The following MARCHF1 variants were observed in gnomAD, a reference collection of about 807,000 sequenced individuals.
MARCHF1 encodes the protein membrane associated ring-CH-type finger 1, also known as E3 ubiquitin-protein ligase MARCHF1.
A neutral mutation model predicts 54.2 loss-of-function variants in MARCHF1; 40 were observed. The observed-to-expected ratio is 0.74, with a 90% CI of 0.57 to 0.96. The LOEUF (loss-of-function observed/expected upper bound fraction) is 0.96. Ranked by LOEUF, MARCHF1 falls within the 40% of genes least tolerant of loss-of-function variation. MARCHF1 has a pLI of 0.00. For synonymous variants in MARCHF1, 236 were observed against 236.3 expected (o/e 1.00, Z 0.01); for missense variants, 586 against 656.5 (o/e 0.89, Z 1.17).
intron 2 of MARCHF1, among the ~76,000 whole-genome samples, chr4:164,008,550 T>C (rs1343586320): frequency 6.6e-6 from 1 of 152,072 alleles, no homozygotes. Context: ...CATCACTACA[T>C]GGATCAACCT....
rs1282938021 is a variant in MARCHF1 at position 163,737,160 on chromosome 4, CTTTCTTTT to C, written c.112-36305_112-36298del. ...ACTTATCAGCGCTCGCAGCTTTTTT[CTTTCTTTT>C]TTTTTTTTTTTTTTCACATATTAGT... On this transcript the variant is annotated intron_variant, in intron 4 of 9. Transcript: ENST00000514618. Among the ~76,000 whole-genome samples the C allele has an allele frequency of 5.4e-4, 22 of 40,998 alleles. 2 individuals carry two copies. Among genetic ancestry groups the C allele is most frequent in the African/African-American group, 2.6e-3 (21 of 8,138 alleles). The allele number at this position is 40,998 out of a possible 152,430, so 26.9% of individuals were successfully genotyped here.
chr4:163,714,148 AT>A (rs1745191120), intron 4 of MARCHF1, among the ~76,000 whole-genome samples: 1 of 152,162 alleles, frequency 6.6e-6, no homozygotes, highest in South Asian at 2.1e-4. Context: ...GTTCAGTAGG[AT>A]TTCTGGCACA....
chr4:164,061,729 G>C (rs1440304371), intron 2 of MARCHF1, among the ~76,000 whole-genome samples: 1 of 151,654 alleles, frequency 6.6e-6, no homozygotes, highest in Non-Finnish European at 1.5e-5. Flanking sequence ...AAAAAAAAGA[G>C]TGCAATAGAA....
At chr4:163,663,532 T>C (rs1294988340) in intron 5 of MARCHF1, among the ~76,000 whole-genome samples, 1 of 152,130 alleles carries the variant, frequency 6.6e-6, no homozygotes, top group Non-Finnish European at 1.5e-5. Flanking sequence ...GATCATCTCG[T>C]CTGCAACATT....
At chr4:163,806,994 A>C (rs1177461832) in intron 4 of MARCHF1, among the ~76,000 whole-genome samples, 1 of 152,226 alleles carries the variant, frequency 6.6e-6, no homozygotes, top group Non-Finnish European at 1.5e-5. Flanking sequence ...GCTTAAAATT[A>C]GAAGATGCCA....
chr4:163,575,587 C>T (rs561911731), intron 8 of MARCHF1, among the ~76,000 whole-genome samples: 1 of 152,074 alleles, frequency 6.6e-6, no homozygotes, highest in East Asian at 1.9e-4. Context: ...GAGAGGAGTC[C>T]CTCCTCGATT....
At chr4:163,727,349 C>A (rs1245276218) in intron 4 of MARCHF1, among the ~76,000 whole-genome samples, 7 of 151,578 alleles carry the variant, frequency 4.6e-5, no homozygotes, top group African/African-American at 7.3e-5. Context: ...GCTCTGTCGC[C>A]CAGGCTGGAG....
At chr4:163,718,737 G>A (rs545295100) in intron 4 of MARCHF1, among the ~76,000 whole-genome samples, 4 of 151,996 alleles carry the variant, frequency 2.6e-5, no homozygotes, top group Admixed American at 2.6e-4. Context: ...TTTATAGCAT[G>A]GTTGGACTTT....
At chr4:164,252,477 A>G (rs978744668) in intron 1 of MARCHF1, among the ~76,000 whole-genome samples, 12 of 152,132 alleles carry the variant, frequency 7.9e-5, no homozygotes, top group African/African-American at 2.9e-4. Context: ...GCCTCTTTCT[A>G]AAGGCTCCTC....
chr4:164,280,855 G>C (rs1413318748), intron 1 of MARCHF1, among the ~76,000 whole-genome samples: 2 of 152,038 alleles, frequency 1.3e-5, no homozygotes, highest in Non-Finnish European at 2.9e-5. Flanking sequence ...TTTCCAGGTA[G>C]GTAGATATTA....
chr4:163,878,268 A>C (rs2111236066), intron 3 of MARCHF1, among the ~76,000 whole-genome samples: 1 of 152,336 alleles, frequency 6.6e-6, no homozygotes, highest in African/African-American at 2.4e-5. Context: ...GGAGATAAGC[A>C]ACAGGAGAAC....
At chr4:163,850,259 C>T (rs1316230512) in intron 4 of MARCHF1, among the ~76,000 whole-genome samples, 1 of 152,180 alleles carries the variant, frequency 6.6e-6, no homozygotes, top group East Asian at 1.9e-4. Flanking sequence ...TCCACAGGAT[C>T]CCACCTCTGA....
chr4:164,274,659 C>CTTTTT lies in MARCHF1; in HGVS notation c.-323+109206_-323+109210dup, dbSNP rs70952617. ...CGCTTGATGTGTGCTTCAGGGTACA[C>CTTTTT]TTTTTTTTTTTTTTTTTTTTTTTTT... On this transcript the variant is annotated intron_variant, in intron 1 of 9. Coordinates refer to ENST00000514618, the MANE Select transcript of MARCHF1 (RefSeq NM_001394959.1). Among the ~76,000 whole-genome samples the CTTTTT allele has an allele frequency of 1.8e-4, 8 of 44,644 alleles. 2 individuals are homozygous for CTTTTT. Among genetic ancestry groups the CTTTTT allele is most frequent in the Non-Finnish European group, 3.4e-4 (7 of 20,620 alleles). The allele number at this position is 44,644 out of a possible 152,430, so 29.3% of individuals were successfully genotyped here. A position where few individuals can be genotyped will look rare whatever the true frequency, so the allele number is the denominator to read the frequency against.
At chr4:163,863,874 A>G (rs928876021) in intron 3 of MARCHF1, among the ~76,000 whole-genome samples, 1 of 152,004 alleles carries the variant, frequency 6.6e-6, no homozygotes, top group Non-Finnish European at 1.5e-5. Context: ...ACCAAACACA[A>G]TTTGGGGCAT....
intron 3 of MARCHF1, among the ~76,000 whole-genome samples, chr4:163,932,238 T>G (rs1417355824): frequency 1.3e-5 from 2 of 152,236 alleles, no homozygotes; most frequent in African/African-American, 4.8e-5. Context: ...TGCCAAAGAT[T>G]GGGTGTATGT....
chr4:163,602,976 G>C (rs568627287), intron 7 of MARCHF1, among the ~76,000 whole-genome samples: 1 of 152,046 alleles, frequency 6.6e-6, no homozygotes, highest in Admixed American at 6.6e-5. Context: ...CTCACAATTA[G>C]AGACTCTGAA....
chr4:163,710,677 T>C (rs184857979), intron 4 of MARCHF1, among the ~76,000 whole-genome samples: 31 of 152,230 alleles, frequency 2.0e-4, no homozygotes, highest in African/African-American at 7.2e-4. Flanking sequence ...AAACGGATTC[T>C]AATTTGGGTG....
intron 4 of MARCHF1, among the ~76,000 whole-genome samples, chr4:163,761,619 T>A (rs1243849755): frequency 6.6e-6 from 1 of 152,234 alleles, no homozygotes; most frequent in Non-Finnish European, 1.5e-5. Context: ...GCTTCACTTC[T>A]GCCCTCCATG....
intron 1 of MARCHF1, among the ~76,000 whole-genome samples, chr4:164,187,884 C>T (rs564344735): frequency 6.5e-4 from 99 of 152,224 alleles, no homozygotes; most frequent in African/African-American, 2.2e-3. Context: ...CTTTCCCCAT[C>T]TTTTTTTGAC....
Sources: gnomAD v4.1 joint callset for allele counts (sites outside exome capture counted in the v4.1 genomes callset) on GRCh38, gnomAD v4.1.1 for gene constraint, MANE v1.5 for transcripts, NCBI Gene and HGNC (gene_info 2026-07-23, HGNC 2026-07-21) for gene names.